The following DDX60 variants were observed in gnomAD, a reference collection of about 807,000 sequenced individuals.
DDX60 encodes probable ATP-dependent RNA helicase DDX60.
DDX60 carries 165 observed loss-of-function variants against 212.8 expected under a neutral mutation model. That is an observed-to-expected ratio of 0.78 (90% CI 0.68 to 0.88). The LOEUF (loss-of-function observed/expected upper bound fraction) is 0.88, where lower values mean the gene tolerates loss of function less well. DDX60 is among the 40% of genes least tolerant of loss of function. The pLI is 0.00. For missense variants in DDX60, 1,905 were observed against 2,003.9 expected (o/e 0.95, Z 0.94); for synonymous variants, 703 against 685.3 (o/e 1.03, Z -0.40).
intron 5 of DDX60, 31 bp downstream of exon 5, chr4:168,306,348 T>C: frequency 3.3e-6 from 5 of 1,531,172 alleles, no homozygotes; most frequent in Non-Finnish European, 4.4e-6. Context: ...TGAAAATTTC[T>C]AGAAGAAATT....
intron 22 of DDX60, among the ~76,000 whole-genome samples, chr4:168,264,834 A>C (rs1734772521): frequency 6.6e-6 from 1 of 152,242 alleles, no homozygotes; most frequent in South Asian, 2.1e-4. Flanking sequence ...CTACACAGTG[A>C]CTAATGATCC....
At chr4:168,292,049 CTTTTTT>C in intron 7 of DDX60, 143 bp from the exon 8 acceptor site, 6 of 302,340 alleles carry the variant, frequency 2.0e-5, no homozygotes, top group East Asian at 5.4e-5. Flanking sequence ...TTCTTTCTTT[CTTTTTT>C]TTTTTTTTTT....
At chr4:168,323,326 G>A (rs117180034), upstream of DDX60, among the ~76,000 whole-genome samples, 14 of 152,228 alleles carry the variant, frequency 9.2e-5, no homozygotes, top group East Asian at 2.1e-3. Flanking sequence ...AACAATTGAG[G>A]GACTCCTGTG....
chr4:168,250,943 A>T lies in DDX60; in HGVS notation c.3858+11T>A, dbSNP rs746057535. 8 of 1,560,540 alleles carry T rather than the reference A, an allele frequency of 5.1e-6. No individual in the cohort carries two copies. The highest frequency in any genetic ancestry group is 1.7e-4 in the Middle Eastern group (1 of 5,930). Reference sequence around the variant, plus strand: ...CAATTTCAATTTTTAGAATGAAGAAAATTCACCTACCCTAAGATATCCTTT... The same window carrying T: ...CAATTTCAATTTTTAGAATGAAGAATATTCACCTACCCTAAGATATCCTTT... On this transcript the variant is annotated intron_variant, in intron 28 of 37. Coordinates refer to ENST00000393743, the MANE Select transcript of DDX60 (RefSeq NM_017631.6).
chr4:168,267,779 TGGCA>T, intron 21 of DDX60, 58 bp downstream of exon 21: 1 of 1,541,108 alleles, frequency 6.5e-7, no homozygotes, highest in Non-Finnish European at 8.8e-7. Flanking sequence ...ATCAAGGCAA[TGGCA>T]GATTTTTTAA....
chr4:168,309,576 T>C (rs762859964), intron 3 of DDX60, among the ~76,000 whole-genome samples: 8 of 152,118 alleles, frequency 5.3e-5, no homozygotes, highest in Admixed American at 1.3e-4. Flanking sequence ...GGCAAATTTA[T>C]AGACTCTAAT....
At chr4:168,260,746 C>T (rs929190962) in intron 25 of DDX60, 119 bp downstream of exon 25, 27 of 915,966 alleles carry the variant, frequency 2.9e-5, no homozygotes, top group Non-Finnish European at 4.6e-5. Context: ...TGGCACAATT[C>T]CTAACAGACC....
intron 6 of DDX60, among the ~76,000 whole-genome samples, 184 bp downstream of exon 6, chr4:168,302,116 G>A (rs28547226): frequency 0.028 from 4,259 of 152,266 alleles, 210 homozygotes; most frequent in African/African-American, 0.096. Context: ...AAGGTCTAAA[G>A]TTTAGTTAAT....
chr4:168,317,437 G>A (rs977234396), intron 1 of DDX60, among the ~76,000 whole-genome samples: 6 of 152,010 alleles, frequency 3.9e-5, no homozygotes, highest in African/African-American at 1.5e-4. Flanking sequence ...AAAAAAGGAG[G>A]GAAGAGGAAA....
intron 5 of DDX60, among the ~76,000 whole-genome samples, chr4:168,303,937 G>A (rs142106865): frequency 0.041 from 6,269 of 151,684 alleles, 267 homozygotes; most frequent in Admixed American, 0.097. Flanking sequence ...AGCTGAGATC[G>A]CACCACAGCA....
chr4:168,221,708 GAGAC>G lies in DDX60; in HGVS notation c.4976+18_4976+21del. 1.3e-6 allele frequency: 2 copies of G among 1,580,692 alleles called. No individual in the cohort carries two copies. The highest frequency in any genetic ancestry group is 1.7e-6 in the Non-Finnish European group (2 of 1,155,902). On this transcript the variant is annotated intron_variant, in intron 36 of 37. Transcript: ENST00000393743. Reference sequence around the variant, plus strand: ...ATGGAGATGGGAGGACAGAGAAACAGAGACAGACAGAGAGGACATACCTGTTATC... The same window carrying G: ...ATGGAGATGGGAGGACAGAGAAACAGAGACAGAGAGGACATACCTGTTATC...
At chr4:168,274,118 C>CT in intron 16 of DDX60, 35 bp from the exon 17 acceptor site, 1 of 1,612,120 alleles carries the variant, frequency 6.2e-7, no homozygotes, top group Non-Finnish European at 8.5e-7. Context: ...TGTCAAGAAA[C>CT]TGAACCGTAT....
At chr4:168,246,353 A>G in intron 30 of DDX60, 65 bp downstream of exon 30, 2 of 1,591,156 alleles carry the variant, frequency 1.3e-6, no homozygotes, top group South Asian at 1.1e-5. Flanking sequence ...CTAAAAGAAC[A>G]GCAGACCTGA....
chr4:168,292,950 T>C (rs982300422), intron 7 of DDX60, among the ~76,000 whole-genome samples: 1 of 152,222 alleles, frequency 6.6e-6, no homozygotes, highest in Non-Finnish European at 1.5e-5. Context: ...AAAACAATTA[T>C]AAGGATGCTA....
intron 1 of DDX60, among the ~76,000 whole-genome samples, chr4:168,314,300 T>C (rs574189748): frequency 2.7e-5 from 4 of 150,572 alleles, no homozygotes; most frequent in Non-Finnish European, 5.9e-5. Flanking sequence ...CAGCCACCTG[T>C]AGTAACTAAT....
chr4:168,268,466 T>C (rs1375398620), intron 20 of DDX60, among the ~76,000 whole-genome samples: 1 of 152,126 alleles, frequency 6.6e-6, no homozygotes, highest in Non-Finnish European at 1.5e-5. Flanking sequence ...TAATAAGAAT[T>C]TGCTATCTTT....
upstream of DDX60, among the ~76,000 whole-genome samples, chr4:168,319,733 G>A (rs1281230656): frequency 6.6e-6 from 1 of 152,150 alleles, no homozygotes; most frequent in Non-Finnish European, 1.5e-5. Context: ...GGAAATAGAA[G>A]AGGGTGTGGA....
At chr4:168,316,267 G>A (rs1737374179) in intron 1 of DDX60, among the ~76,000 whole-genome samples, 1 of 152,140 alleles carries the variant, frequency 6.6e-6, no homozygotes, top group Non-Finnish European at 1.5e-5. Flanking sequence ...CTTCTACACT[G>A]AGTAATGTGT....
In DDX60 at chr4:168,283,560, A is replaced by G; in HGVS notation, c.1608T>C (p.His536=). ...PRVLRSVQKY[H]VFQRFYGNSL... is the part of the protein sequence containing the mutation. ...AATTCCCATAAAACCGTTGGAAAAC[A>G]TGATACTTTTGCACAGATCTAAGAA... The change falls in exon 13 of 38, where the codon CAT becomes CAC. Residue 536 remains histidine, a synonymous_variant. Coordinates refer to ENST00000393743, the MANE Select transcript of DDX60 (RefSeq NM_017631.6). 5 of 1,613,474 alleles carry G rather than the reference A, an allele frequency of 3.1e-6. No homozygotes were observed. Among genetic ancestry groups the G allele is most frequent in the Non-Finnish European group, 4.2e-6 (5 of 1,179,626 alleles).
Sources: allele counts gnomAD v4.1 joint callset (sites outside exome capture counted in the v4.1 genomes callset), GRCh38; gene constraint gnomAD v4.1.1; transcripts MANE v1.5; gene names NCBI Gene and HGNC (gene_info 2026-07-23, HGNC 2026-07-21).